The following DIP2C variants were observed in gnomAD, a reference collection of about 807,000 sequenced individuals.
DIP2C encodes the protein disco-interacting protein 2 homolog C.
Under a neutral mutation model 192.4 loss-of-function variants are expected in DIP2C, and 33 were observed. That is an observed-to-expected ratio of 0.17 (90% CI 0.13 to 0.23). The LOEUF is 0.23. DIP2C is among the 10% of genes least tolerant of loss of function. The probability of loss-of-function intolerance (pLI) is 1.00; values close to 1 mark genes in which losing one functional copy is unlikely to be tolerated. For synonymous variants in DIP2C, 979 were observed against 864.1 expected (o/e 1.13, Z -2.33); for missense variants, 1,537 against 2,110.1 (o/e 0.73, Z 5.32).
At chr10:480,943 T>G (rs1843558674) in intron 2 of DIP2C, among the ~76,000 whole-genome samples, 1 of 152,156 alleles carries the variant, frequency 6.6e-6, no homozygotes, top group African/African-American at 2.4e-5. Context: ...TCCTCTGGGA[T>G]TTAAGTTTAA....
At chr10:617,438 A>C (rs184498100) in intron 1 of DIP2C, among the ~76,000 whole-genome samples, 1 of 152,154 alleles carries the variant, frequency 6.6e-6, no homozygotes, top group African/African-American at 2.4e-5. Flanking sequence ...ACACATGGCC[A>C]TATCACGGCA....
intron 18 of DIP2C, among the ~76,000 whole-genome samples, chr10:367,904 G>A (rs1291018513): frequency 1.3e-5 from 2 of 151,934 alleles, no homozygotes; most frequent in East Asian, 3.9e-4. Flanking sequence ...CACAGCCCCA[G>A]GTGCCTCCGA....
intron 17 of DIP2C, among the ~76,000 whole-genome samples, chr10:378,516 AAC>A (rs1394652091): frequency 5.4e-5 from 8 of 149,524 alleles, no homozygotes; most frequent in Admixed American, 1.3e-4. Context: ...AAGACACGTG[AAC>A]ACACATGCAC....
At chr10:674,828 A>AGAGAGACC (rs1554772178) in intron 1 of DIP2C, among the ~76,000 whole-genome samples, 1 of 147,618 alleles carries the variant, frequency 6.8e-6, no homozygotes, top group Non-Finnish European at 1.5e-5. Flanking sequence ...AGAGAGAGAG[A>AGAGAGACC]GACCAACACA....
Position 391,355 on chromosome 10 carries a change from G to A in DIP2C, c.1261-492C>T, listed in dbSNP as rs182269023. ...TGCCAGGCAGGGCACCTCGGCCAGA[G>A]GAAGGAAGACCTGGGTCACTTTCTC... is the stretch of plus-strand genomic sequence containing the variant. On this transcript the variant is annotated intron_variant, in intron 10 of 36. Coordinates refer to ENST00000280886, the MANE Select transcript of DIP2C (RefSeq NM_014974.3). Among the ~76,000 whole-genome samples, 322 of 152,366 alleles carry A rather than the reference G, an allele frequency of 2.1e-3. 5 individuals are homozygous for A. The highest frequency in any genetic ancestry group is 6.9e-3 in the African/African-American group (287 of 41,594).
chr10:348,252 A>AT (rs1958617353), intron 26 of DIP2C, among the ~76,000 whole-genome samples: 1 of 152,240 alleles, frequency 6.6e-6, no homozygotes, highest in South Asian at 2.1e-4. Context: ...AAACAGATCT[A>AT]TACTTTCAAA....
intron 31 of DIP2C, among the ~76,000 whole-genome samples, chr10:310,442 G>A (rs772113811): frequency 9.9e-5 from 15 of 152,230 alleles, no homozygotes; most frequent in South Asian, 2.1e-4. Flanking sequence ...GCATCTGTGC[G>A]GAGAAATTTT....
Position 661,084 on chromosome 10 carries a change from A to G in DIP2C, c.85+28410T>C, listed in dbSNP as rs536797321. ...CAGACTTCAACAAAAGACACACTAG[A>G]ATTAGCCATTGACAGTAACCCTGAG... On this transcript the variant is annotated intron_variant, in intron 1 of 36. Transcript: ENST00000280886. 2.0e-5 allele frequency among the ~76,000 whole-genome samples: 3 copies of G among 152,322 alleles called. No homozygotes were observed. In the East Asian group the frequency reaches 5.8e-4, roughly 29 times the overall value.
chr10:507,055 CGAT>C, intron 1 of DIP2C, among the ~76,000 whole-genome samples: 1 of 151,708 alleles, frequency 6.6e-6, no homozygotes, highest in South Asian at 2.1e-4. Context: ...CCATTGTGCA[CGAT>C]AAGAGGTGTG....
intron 1 of DIP2C, among the ~76,000 whole-genome samples, chr10:554,073 A>G (rs1285493737): frequency 1.3e-5 from 2 of 151,984 alleles, no homozygotes; most frequent in African/African-American, 2.4e-5. Flanking sequence ...AATATACATC[A>G]TAGGAGAAAA....
chr10:687,939 T>G (rs1831393806), intron 1 of DIP2C, among the ~76,000 whole-genome samples: 1 of 152,168 alleles, frequency 6.6e-6, no homozygotes, highest in Non-Finnish European at 1.5e-5. Context: ...ATCAGTGTGA[T>G]GCAGGCAGCA....
At chr10:546,276 T>TGTC (rs1554897195) in intron 1 of DIP2C, among the ~76,000 whole-genome samples, 24,222 of 139,840 alleles carry the variant, frequency 0.17, 3,497 homozygotes, top group African/African-American at 0.39. Context: ...AGCAAGACTC[T>TGTC]TAAAAAAAAA....
At chr10:424,785 G>A (rs61837189) in intron 4 of DIP2C, among the ~76,000 whole-genome samples, 6,450 of 152,280 alleles carry the variant, frequency 0.042, 221 homozygotes, top group African/African-American at 0.086. Context: ...TCCCCAGAAT[G>A]TCTTCTCACA....
intron 1 of DIP2C, among the ~76,000 whole-genome samples, chr10:501,355 T>A (rs1034623564): frequency 2.0e-5 from 3 of 152,224 alleles, no homozygotes; most frequent in Non-Finnish European, 2.9e-5. Context: ...TAAAGTAGAA[T>A]GTATGCAGTC....
chr10:617,868 G>A (rs1053926853), intron 1 of DIP2C, among the ~76,000 whole-genome samples: 1 of 152,106 alleles, frequency 6.6e-6, no homozygotes, highest in Non-Finnish European at 1.5e-5. Context: ...TGCCCTCCAA[G>A]GGCACTCATC....
intron 1 of DIP2C, among the ~76,000 whole-genome samples, chr10:522,182 C>A (rs1025408862): frequency 2.0e-5 from 3 of 152,178 alleles, no homozygotes; most frequent in African/African-American, 7.2e-5. Flanking sequence ...ACTCAGACAG[C>A]AGGCAGCCTT....
intron 28 of DIP2C, among the ~76,000 whole-genome samples, chr10:342,460 G>A (rs749333841): frequency 1.2e-4 from 19 of 152,194 alleles, no homozygotes; most frequent in African/African-American, 2.4e-4. Flanking sequence ...GCCTGGCCTC[G>A]TGTGACCCTC....
chr10:521,043 A>C (rs1023814615), intron 1 of DIP2C, among the ~76,000 whole-genome samples: 4 of 152,208 alleles, frequency 2.6e-5, no homozygotes, highest in Non-Finnish European at 4.4e-5. Context: ...AAATCAAGAG[A>C]AGTATTTAAT....
chr10:657,046 C>A (rs372225264), intron 1 of DIP2C, among the ~76,000 whole-genome samples: 3 of 150,364 alleles, frequency 2.0e-5, no homozygotes, highest in South Asian at 2.1e-4. Context: ...GCTGGACCTG[C>A]CACTGGACCT....
Sources: gnomAD v4.1 joint callset for allele counts (sites outside exome capture counted in the v4.1 genomes callset) on GRCh38, gnomAD v4.1.1 for gene constraint, MANE v1.5 for transcripts, NCBI Gene and HGNC (gene_info 2026-07-23, HGNC 2026-07-21) for gene names.